TMEM63A: variants seen among roughly 807,000 people sequenced by gnomAD.
The protein encoded by TMEM63A is transmembrane protein 63A, also known as mechanosensitive cation channel TMEM63A.
Under a neutral mutation model 100.6 loss-of-function variants are expected in TMEM63A, and 76 were observed. That is an observed-to-expected ratio of 0.76 (90% CI 0.63 to 0.91). The LOEUF is 0.91. Ranked by LOEUF, TMEM63A falls within the 40% of genes least tolerant of loss-of-function variation. The probability of loss-of-function intolerance (pLI) is 0.00; values close to 1 mark genes in which losing one functional copy is unlikely to be tolerated. For missense variants in TMEM63A, 876 were observed against 1,008.8 expected (o/e 0.87, Z 1.78); for synonymous variants, 401 against 401.1 (o/e 1.00, Z 0.00).
At chr1:225,844,760 G>A (rs1668787623), downstream of TMEM63A, 1 of 1,398,894 alleles carries the variant, frequency 7.1e-7, no homozygotes, top group Non-Finnish European at 9.7e-7. Context: ...CCCTTGGATG[G>A]GAACACTAAA....
chr1:225,848,320 A>G, intron 23 of TMEM63A, 172 bp downstream of exon 23: 1 of 653,342 alleles, frequency 1.5e-6, no homozygotes, highest in Non-Finnish European at 2.6e-6. Flanking sequence ...TATGCAGGTT[A>G]AAATACCCAG....
At chr1:225,866,374 C>T (rs1411890655) in intron 9 of TMEM63A, 200 bp downstream of exon 9, 2 of 570,798 alleles carry the variant, frequency 3.5e-6, no homozygotes, top group African/African-American at 3.8e-5. Context: ...AGTAACTGTC[C>T]AAATCTTGAA....
chr1:225,873,163 T>C (rs1670604211), intron 4 of TMEM63A, among the ~76,000 whole-genome samples: 1 of 152,166 alleles, frequency 6.6e-6, no homozygotes, highest in Non-Finnish European at 1.5e-5. Flanking sequence ...CCTATTAAGT[T>C]TGGGGCCTTG....
At chr1:225,852,554 G>A (rs1226986561) in intron 20 of TMEM63A, 110 bp downstream of exon 20, 2 of 941,110 alleles carry the variant, frequency 2.1e-6, no homozygotes, top group Non-Finnish European at 1.7e-6. Context: ...TCTTGTGGCT[G>A]TGGTTTTGGG....
intron 4 of TMEM63A, among the ~76,000 whole-genome samples, chr1:225,873,284 T>C (rs998866521): frequency 6.6e-6 from 1 of 152,176 alleles, no homozygotes; most frequent in Non-Finnish European, 1.5e-5. Context: ...AGGCATCAGA[T>C]GTCCCAAAAG....
intron 20 of TMEM63A, 79 bp from the exon 21 acceptor site, chr1:225,850,158 T>C (rs2102816578): frequency 1.3e-6 from 2 of 1,546,056 alleles, no homozygotes; most frequent in East Asian, 2.3e-5. Context: ...CCGGGGCGGC[T>C]ATTTTGGCAA....
At chr1:225,843,628 G>A (rs1258585606), downstream of TMEM63A, among the ~76,000 whole-genome samples, 1 of 152,214 alleles carries the variant, frequency 6.6e-6, no homozygotes, top group African/African-American at 2.4e-5. Context: ...CACTCCTGCA[G>A]CTCTGGCCCC....
intron 14 of TMEM63A, chr1:225,859,637 TTTTC>T (rs531150736): frequency 8.8e-5 from 34 of 386,150 alleles, no homozygotes; most frequent in African/African-American, 7.3e-4. Context: ...GGCATTTATT[TTTTC>T]TTTTTCTGTT....
chr1:225,842,620 C>A, downstream of TMEM63A: 1 of 731,148 alleles, frequency 1.4e-6, no homozygotes, highest in Non-Finnish European at 2.5e-6. Context: ...ACCCTGTGAC[C>A]AACGTAGCTG....
intron 2 of TMEM63A, among the ~76,000 whole-genome samples, chr1:225,878,397 G>A (rs886809730): frequency 7.2e-5 from 11 of 152,144 alleles, no homozygotes; most frequent in African/African-American, 2.7e-4. Context: ...GGGTCCCCTA[G>A]CTCTGCGCTT....
chr1:225,861,931 G>T, intron 13 of TMEM63A: 1 of 496,766 alleles, frequency 2.0e-6, no homozygotes. Flanking sequence ...TGGGTCCAGG[G>T]CAGCAGGGAA....
At position 225,853,841 on chromosome 1, in the gene TMEM63A, G is replaced by T; in HGVS notation, c.1635-50C>A. On this transcript the variant is annotated intron_variant, in intron 18 of 24. Transcript: ENST00000366835. This position sits in a 1 kb window ranked among gnomAD's most constrained non-coding sequence, Gnocchi z 4.0. ...GTGAGCTGAGAGCCGCTCTTGGAGG[G>T]AGAGGAGGGGCCCCTAGGCTGGGCA... 1 of 1,511,226 alleles carries T rather than the reference G, an allele frequency of 6.6e-7. No homozygotes were observed. The highest frequency in any genetic ancestry group is 2.2e-5 in the Admixed American group (1 of 44,618). 93.6% of individuals were successfully genotyped at this position (1,511,226 alleles called of 1,614,324 possible).
At position 225,849,984 on chromosome 1, in the gene TMEM63A, C is replaced by G. The variant is rs146840117; in HGVS notation, c.1999G>C (p.Ala667Pro). The G allele has an allele frequency of 1.9e-6, 3 of 1,614,190 alleles. No homozygotes were observed. In the South Asian group the frequency reaches 3.3e-5, roughly 18 times the overall value. The part of the protein sequence containing the change: ...AKLEKGIHFA[A>P]VNQALAAPIL... ...GGGGCTGCCAAGGCCTGGTTCACAG[C>G]GGCAAAGTGGATCCCCTTCTCCAGC... Residue 667 changes from alanine (A) to proline (P), a missense_variant, in exon 21 of 25, where the codon GCT (alanine) becomes CCT (proline). Coordinates refer to ENST00000366835, the MANE Select transcript of TMEM63A (RefSeq NM_014698.3).
chr1:225,860,254 G>C (rs1262387646), intron 14 of TMEM63A: 1 of 152,522 alleles, frequency 6.6e-6, no homozygotes, highest in Non-Finnish European at 1.5e-5. Flanking sequence ...GCTGGGGCTT[G>C]CGCTGGGTGC....
At position 225,848,931 on chromosome 1, in the gene TMEM63A, C is replaced by G. The variant is rs746185601; in HGVS notation, c.2153G>C (p.Gly718Ala). ...CAGAGGGCTGAGGTGCTTGAAGCAT[C>G]CAAAGCAGGTGTGAGCCAGGCAGAC... The part of the protein sequence containing the change: ...ILVCLAHTCF[G>A]CFKHLSPLNY... The change falls in exon 22 of 25, where the codon GGA (glycine) becomes GCA (alanine). Residue 718 changes from glycine (G) to alanine (A), a missense_variant. Coordinates refer to ENST00000366835, the MANE Select transcript of TMEM63A (RefSeq NM_014698.3). The G allele has an allele frequency of 1.2e-6, 2 of 1,602,518 alleles. No individual in the cohort carries two copies. Among genetic ancestry groups the G allele is most frequent in the African/African-American group, 2.7e-5 (2 of 74,810 alleles).
rs2292564 is a variant in TMEM63A, at chr1:225,867,895, G to A, written c.507C>T (p.Asp169=). The stretch of plus-strand genomic sequence containing the variant: ...GGTGAGGAGGGTCATTACCCAGCAA[G>A]TCCCCTGAGAGGTTGACAGGCAGGA... ...CVILPVNLSG[D]LLDKDPYSFG... The change falls in exon 7 of 25, where the codon GAC becomes GAT. Residue 169 remains aspartate, a synonymous_variant. Coordinates refer to ENST00000366835, the MANE Select transcript of TMEM63A (RefSeq NM_014698.3). This position sits in a 1 kb window ranked among gnomAD's most constrained non-coding sequence, Gnocchi z 4.6. 495,397 of 1,613,582 alleles carry A rather than the reference G, an allele frequency of 0.31. 80,650 individuals carry two copies. Among genetic ancestry groups the A allele is most frequent in the East Asian group, 0.51 (22,663 of 44,840 alleles).
intron 3 of TMEM63A, 124 bp downstream of exon 3, chr1:225,877,271 G>C (rs897363819): frequency 1.8e-6 from 2 of 1,090,822 alleles, no homozygotes; most frequent in Non-Finnish European, 2.6e-6. Context: ...GAGCTGGTAA[G>C]CAGCAGAGTT....
chr1:225,853,553 G>A lies in TMEM63A; in HGVS notation c.1797+76C>T. ...CTACCCACTAGTGGGGGTAGTGGGG[G>A]TGAGAGGCCCTCGGGTCAGTGAAGG... On this transcript the variant is annotated intron_variant, in intron 19 of 24. Coordinates refer to ENST00000366835, the MANE Select transcript of TMEM63A (RefSeq NM_014698.3). This position sits in a 1 kb window ranked among gnomAD's most constrained non-coding sequence, Gnocchi z 4.0. 11 of 1,401,202 alleles carry A rather than the reference G, an allele frequency of 7.9e-6. No homozygotes were observed. Among genetic ancestry groups the A allele is most frequent in the East Asian group, 2.6e-5 (1 of 38,434 alleles). 86.8% of individuals were successfully genotyped at this position (1,401,202 alleles called of 1,614,324 possible).
At position 225,853,505 on chromosome 1, in the gene TMEM63A, A is replaced by C. The variant is rs1467177727; in HGVS notation, c.1797+124T>G. On this transcript the variant is annotated intron_variant, in intron 19 of 24. Coordinates refer to ENST00000366835, the MANE Select transcript of TMEM63A (RefSeq NM_014698.3). This position sits in a 1 kb window ranked among gnomAD's most constrained non-coding sequence, Gnocchi z 4.0. Reference sequence around the variant, plus strand: ...GAGAAGCACTTAGCCCAGTGCCTGCACTAGTGGGTAGTCAGGTAAATGCTA... The same window carrying C: ...GAGAAGCACTTAGCCCAGTGCCTGCCCTAGTGGGTAGTCAGGTAAATGCTA... 1 of 1,037,832 alleles carries C rather than the reference A, an allele frequency of 9.6e-7. No individual in the cohort carries two copies. The highest frequency in any genetic ancestry group is 1.3e-6 in the Non-Finnish European group (1 of 741,990). 64.3% of individuals were successfully genotyped at this position (1,037,832 alleles called of 1,614,324 possible). A position where few individuals can be genotyped will look rare whatever the true frequency, so the allele number is the denominator to read the frequency against.
Sources: gnomAD v4.1 joint callset for allele counts (sites outside exome capture counted in the v4.1 genomes callset) on GRCh38, gnomAD v4.1.1 for gene constraint, Gnocchi (gnomAD v3.1) non-coding constraint, MANE v1.5 for transcripts, NCBI Gene and HGNC (gene_info 2026-07-23, HGNC 2026-07-21) for gene names.